Variants in DOK6 observed in about 807,000 individuals in gnomAD.
DOK6 encodes downstream of tyrosine kinase 6.
A neutral mutation model predicts 44.0 loss-of-function variants in DOK6; 22 were observed. That is an observed-to-expected ratio of 0.50 (90% CI 0.36 to 0.71). The LOEUF is 0.71. DOK6 is among the 30% of genes least tolerant of loss of function. The pLI, the probability that DOK6 is intolerant of heterozygous loss-of-function variation, is 0.00. For synonymous variants in DOK6, 166 were observed against 145.5 expected (o/e 1.14, Z -1.01); for missense variants, 340 against 416.4 (o/e 0.82, Z 1.60).
chr18:69,803,086 A>C (rs1227060031), intron 7 of DOK6, among the ~76,000 whole-genome samples: 1 of 152,122 alleles, frequency 6.6e-6, no homozygotes, highest in Non-Finnish European at 1.5e-5. Context: ...GTTTGATTTT[A>C]TGATGTTATA....
chr18:69,507,492 T>C (rs966298875), intron 1 of DOK6, among the ~76,000 whole-genome samples: 2 of 152,176 alleles, frequency 1.3e-5, no homozygotes, highest in Non-Finnish European at 2.9e-5. Flanking sequence ...AGAATTTACA[T>C]CTTACTGCTG....
intron 3 of DOK6, among the ~76,000 whole-genome samples, chr18:69,641,337 G>A (rs1386578669): frequency 6.6e-6 from 1 of 152,020 alleles, no homozygotes; most frequent in Non-Finnish European, 1.5e-5. Context: ...AATATTTCAT[G>A]GGAAAATTTA....
intron 5 of DOK6, among the ~76,000 whole-genome samples, chr18:69,736,880 C>T (rs1215770104): frequency 1.3e-5 from 2 of 152,180 alleles, no homozygotes; most frequent in Non-Finnish European, 2.9e-5. Context: ...CATCAACAAA[C>T]ATAATGTGCA....
intron 2 of DOK6, among the ~76,000 whole-genome samples, chr18:69,587,579 C>T (rs779011621): frequency 1.3e-5 from 2 of 152,124 alleles, no homozygotes; most frequent in Non-Finnish European, 2.9e-5. Flanking sequence ...CGCTGTGCAA[C>T]CCATTACAAT....
intron 7 of DOK6, among the ~76,000 whole-genome samples, chr18:69,794,864 G>A (rs534644488): frequency 2.7e-4 from 41 of 152,200 alleles, no homozygotes; most frequent in African/African-American, 9.2e-4. Flanking sequence ...TTTAGGCTCC[G>A]TGCTCCTTAT....
chr18:69,838,903 C>A (rs1479393506), intron 7 of DOK6, among the ~76,000 whole-genome samples: 1 of 150,556 alleles, frequency 6.6e-6, no homozygotes, highest in African/African-American at 2.5e-5. Context: ...TTTCCCTAGC[C>A]CCTCCATTAG....
intron 1 of DOK6, among the ~76,000 whole-genome samples, chr18:69,506,811 G>A (rs1004457021): frequency 1.3e-5 from 2 of 151,700 alleles, no homozygotes; most frequent in Admixed American, 1.3e-4. Flanking sequence ...TATAAAAACT[G>A]CTAAAGTTTT....
intron 1 of DOK6, among the ~76,000 whole-genome samples, chr18:69,467,196 T>A (rs1979952872): frequency 6.6e-6 from 1 of 152,170 alleles, no homozygotes; most frequent in African/African-American, 2.4e-5. Context: ...GAATAAGTTA[T>A]GAAAACACGC....
At chr18:69,596,960 T>C (rs1351750830) in intron 2 of DOK6, among the ~76,000 whole-genome samples, 3 of 151,866 alleles carry the variant, frequency 2.0e-5, no homozygotes, top group Admixed American at 6.6e-5. Flanking sequence ...CTCAAGTCAA[T>C]AGGAACAAAA....
chr18:69,420,776 T>C (rs1978468979), intron 1 of DOK6, among the ~76,000 whole-genome samples: 1 of 152,154 alleles, frequency 6.6e-6, no homozygotes, highest in East Asian at 1.9e-4. Flanking sequence ...TATTCCACCC[T>C]TACCCCAGAG....
chr18:69,482,071 T>C (rs1189625607), intron 1 of DOK6, among the ~76,000 whole-genome samples: 2 of 152,168 alleles, frequency 1.3e-5, no homozygotes, highest in Non-Finnish European at 2.9e-5. Flanking sequence ...GATGGGGTTG[T>C]TTGTTTTTTT....
At chr18:69,714,733 A>C (rs1358178438) in intron 5 of DOK6, among the ~76,000 whole-genome samples, 1 of 152,242 alleles carries the variant, frequency 6.6e-6, no homozygotes, top group South Asian at 2.1e-4. Context: ...GAAATTTTGC[A>C]AGGCAATTCA....
intron 7 of DOK6, among the ~76,000 whole-genome samples, chr18:69,785,082 C>T (rs1434005821): frequency 6.6e-6 from 1 of 152,232 alleles, no homozygotes; most frequent in East Asian, 1.9e-4. Context: ...TTGCTTTTCC[C>T]ATTATTGCTG....
intron 1 of DOK6, among the ~76,000 whole-genome samples, chr18:69,492,285 G>A (rs1452696386): frequency 2.0e-5 from 3 of 152,122 alleles, no homozygotes; most frequent in Non-Finnish European, 4.4e-5. Flanking sequence ...AATAATGTGA[G>A]ATGTCACCTT....
intron 1 of DOK6, among the ~76,000 whole-genome samples, chr18:69,442,689 A>G (rs1979169882): frequency 6.6e-6 from 1 of 152,074 alleles, no homozygotes; most frequent in African/African-American, 2.4e-5. Flanking sequence ...TCTGTTTGCT[A>G]CTTTACACAT....
At chr18:69,526,245 A>C (rs1981827527) in intron 1 of DOK6, among the ~76,000 whole-genome samples, 1 of 151,996 alleles carries the variant, frequency 6.6e-6, no homozygotes, top group Non-Finnish European at 1.5e-5. Context: ...ATTTCTCCTC[A>C]TGCTCCCCTA....
At chr18:69,723,199 G>A (rs1372791627) in intron 5 of DOK6, among the ~76,000 whole-genome samples, 2 of 152,146 alleles carry the variant, frequency 1.3e-5, no homozygotes, top group Non-Finnish European at 2.9e-5. Context: ...CTTGGTCTAG[G>A]TGGAAGATAG....
chr18:69,614,440 A>G (rs150015972), intron 3 of DOK6, among the ~76,000 whole-genome samples: 58 of 152,300 alleles, frequency 3.8e-4, no homozygotes, highest in African/African-American at 1.3e-3. Flanking sequence ...TATTTAAGGT[A>G]TGCAACTTGA....
At chr18:69,640,983 T>G (rs916331503) in intron 3 of DOK6, among the ~76,000 whole-genome samples, 1 of 151,870 alleles carries the variant, frequency 6.6e-6, no homozygotes, top group African/African-American at 2.4e-5. Context: ...GAGGCTGAGG[T>G]GGGCGGGATC....
Sources: gnomAD v4.1 joint callset for allele counts (sites outside exome capture counted in the v4.1 genomes callset) on GRCh38, gnomAD v4.1.1 for gene constraint, MANE v1.5 for transcripts, NCBI Gene and HGNC (gene_info 2026-07-23, HGNC 2026-07-21) for gene names.